ARHGAP15: variants seen among roughly 807,000 people sequenced by gnomAD.
ARHGAP15 encodes the protein Rho GTPase activating protein 15, also known as rho GTPase-activating protein 15.
In ARHGAP15, 51 loss-of-function variants were observed where a neutral mutation model predicts 63.7. The ratio of observed to expected loss-of-function variants is 0.80; its 90% CI spans 0.64 to 1.01. The LOEUF (loss-of-function observed/expected upper bound fraction) is 1.01, where lower values mean the gene tolerates loss of function less well. ARHGAP15 is among the 50% of genes least tolerant of loss of function. The pLI is 0.00. For synonymous variants in ARHGAP15, 191 were observed against 193.8 expected, an observed-to-expected ratio of 0.99 and a Z score of 0.12; for missense variants, 560 against 564.6, an observed-to-expected ratio of 0.99 and a Z score of 0.08.
chr2:143,256,015 G>A (rs951904223), intron 6 of ARHGAP15, among the ~76,000 whole-genome samples: 4 of 151,994 alleles, frequency 2.6e-5, no homozygotes, highest in African/African-American at 9.7e-5. Context: ...TTCCAATTTG[G>A]GCTATGTCAG....
chr2:143,190,817 C>T (rs1012540736), intron 2 of ARHGAP15, among the ~76,000 whole-genome samples: 1 of 152,174 alleles, frequency 6.6e-6, no homozygotes, highest in Non-Finnish European at 1.5e-5. Context: ...AACTGCACCC[C>T]GGGAGTGCAG....
At chr2:143,272,930 T>G (rs1192792441) in intron 6 of ARHGAP15, among the ~76,000 whole-genome samples, 1 of 152,190 alleles carries the variant, frequency 6.6e-6, no homozygotes, top group African/African-American at 2.4e-5. Context: ...TGGAATTTTT[T>G]TTTATTTTTG....
intron 6 of ARHGAP15, among the ~76,000 whole-genome samples, chr2:143,399,636 C>T (rs1275187781): frequency 6.6e-6 from 1 of 151,924 alleles, no homozygotes; most frequent in Non-Finnish European, 1.5e-5. Context: ...TAGGTGCCAC[C>T]AGATTTTTAC....
At chr2:143,651,655 A>T (rs1681170641) in intron 12 of ARHGAP15, among the ~76,000 whole-genome samples, 1 of 152,028 alleles carries the variant, frequency 6.6e-6, no homozygotes, top group Non-Finnish European at 1.5e-5. Context: ...TGTATTGCAG[A>T]GTAACTATAT....
intron 11 of ARHGAP15, among the ~76,000 whole-genome samples, chr2:143,576,972 T>A (rs1696704424): frequency 6.6e-6 from 1 of 152,130 alleles, no homozygotes; most frequent in South Asian, 2.1e-4. Context: ...AAAGCTGTCA[T>A]CAAACTATAG....
chr2:143,357,890 G>A (rs1685873675), intron 6 of ARHGAP15, among the ~76,000 whole-genome samples: 1 of 152,116 alleles, frequency 6.6e-6, no homozygotes, highest in Non-Finnish European at 1.5e-5. Context: ...ATAATGCATA[G>A]TTTTATTTTT....
intron 12 of ARHGAP15, among the ~76,000 whole-genome samples, chr2:143,630,664 G>C (rs1360846619): frequency 6.6e-6 from 1 of 151,978 alleles, no homozygotes; most frequent in African/African-American, 2.4e-5. Flanking sequence ...ATAATTGCAA[G>C]CTAAATAATA....
intron 2 of ARHGAP15, among the ~76,000 whole-genome samples, chr2:143,168,923 C>G (rs1690654601): frequency 6.6e-6 from 1 of 151,992 alleles, no homozygotes; most frequent in Non-Finnish European, 1.5e-5. Context: ...ACAGTCTCCA[C>G]TCACTTCTTC....
chr2:143,419,930 A>G (rs1688848687), intron 6 of ARHGAP15, among the ~76,000 whole-genome samples: 1 of 152,138 alleles, frequency 6.6e-6, no homozygotes, highest in South Asian at 2.1e-4. Context: ...CTTTCACTTA[A>G]TTGTTTTAAA....
chr2:143,209,823 G>A (rs1376749), intron 3 of ARHGAP15, among the ~76,000 whole-genome samples: 25,988 of 152,122 alleles, frequency 0.17, 2,424 homozygotes, highest in Middle Eastern at 0.24. Flanking sequence ...TGAGGAGAGA[G>A]AGGCAGTGCC....
At chr2:143,228,706 C>T (rs985950758) in intron 5 of ARHGAP15, 38 bp downstream of exon 5, 5 of 1,413,440 alleles carry the variant, frequency 3.5e-6, no homozygotes, top group Non-Finnish European at 4.8e-6. Flanking sequence ...AATATCTTTT[C>T]AGAAATATTG....
At chr2:143,319,148 G>C (rs1683874994) in intron 6 of ARHGAP15, among the ~76,000 whole-genome samples, 1 of 151,508 alleles carries the variant, frequency 6.6e-6, no homozygotes. Flanking sequence ...AATGCTCTTA[G>C]ATTGATAGCT....
intron 6 of ARHGAP15, among the ~76,000 whole-genome samples, chr2:143,404,148 G>A (rs1422311411): frequency 6.6e-6 from 1 of 151,800 alleles, no homozygotes; most frequent in Admixed American, 6.6e-5. Context: ...GCAAATTTTG[G>A]CATCAGTAGG....
intron 6 of ARHGAP15, among the ~76,000 whole-genome samples, chr2:143,326,766 C>G (rs1402310013): frequency 6.6e-6 from 1 of 152,082 alleles, no homozygotes; most frequent in African/African-American, 2.4e-5. Context: ...GGTCTTATCT[C>G]AAAATAAGAG....
chr2:143,464,363 A>C (rs548056222), intron 8 of ARHGAP15, among the ~76,000 whole-genome samples: 4 of 152,288 alleles, frequency 2.6e-5, no homozygotes, highest in African/African-American at 9.6e-5. Flanking sequence ...TAGACTGAAA[A>C]TATAATCTTA....
chr2:143,553,656 A>G (rs1695667493), intron 10 of ARHGAP15, among the ~76,000 whole-genome samples: 1 of 152,174 alleles, frequency 6.6e-6, no homozygotes, highest in Admixed American at 6.6e-5. Flanking sequence ...CTGCTTTCCA[A>G]TTGTTTATAT....
intron 9 of ARHGAP15, among the ~76,000 whole-genome samples, chr2:143,495,131 A>G (rs1025248082): frequency 1.3e-5 from 2 of 151,966 alleles, no homozygotes; most frequent in African/African-American, 4.8e-5. Context: ...CCATCCCACA[A>G]CTGTTTTCTC....
chr2:143,540,568 C>G (rs557241225), intron 10 of ARHGAP15, among the ~76,000 whole-genome samples: 1 of 152,256 alleles, frequency 6.6e-6, no homozygotes, highest in South Asian at 2.1e-4. Flanking sequence ...TTAAGGCAGG[C>G]CTGGTGGTGA....
intron 6 of ARHGAP15, among the ~76,000 whole-genome samples, chr2:143,273,649 ATATT>A (rs1205910429): frequency 6.6e-6 from 1 of 152,184 alleles, no homozygotes; most frequent in Non-Finnish European, 1.5e-5. Flanking sequence ...ATTTTAAAAA[ATATT>A]AAATACGTCA....
Sources: allele counts gnomAD v4.1 joint callset (sites outside exome capture counted in the v4.1 genomes callset), GRCh38; gene constraint gnomAD v4.1.1; transcripts MANE v1.5; gene names NCBI Gene and HGNC (gene_info 2026-07-23, HGNC 2026-07-21).